The following CTNND2 variants were observed in gnomAD, a reference collection of about 807,000 sequenced individuals.
The protein encoded by CTNND2 is catenin delta 2.
CTNND2 carries 22 observed loss-of-function variants against 144.4 expected under a neutral mutation model. The ratio of observed to expected loss-of-function variants is 0.15; its 90% CI spans 0.11 to 0.22. The LOEUF (loss-of-function observed/expected upper bound fraction) is 0.22, where lower values mean the gene tolerates loss of function less well. Among genes scored for constraint, CTNND2 ranks in the 10% least tolerant of loss-of-function variants. The pLI is 1.00. For missense variants in CTNND2, 1,353 were observed against 1,618.8 expected, an observed-to-expected ratio of 0.84 and a Z score of 2.82; for synonymous variants, 751 against 695.6, an observed-to-expected ratio of 1.08 and a Z score of -1.25.
At chr5:11,450,060 C>G (rs1021129347) in intron 3 of CTNND2, among the ~76,000 whole-genome samples, 2 of 152,200 alleles carry the variant, frequency 1.3e-5, no homozygotes, top group Non-Finnish European at 2.9e-5. Flanking sequence ...TCGGACTTAG[C>G]AAGGGCTGGC....
At chr5:11,895,681 AATAAAATGATAT>A (rs1242234518) in intron 1 of CTNND2, among the ~76,000 whole-genome samples, 2 of 152,230 alleles carry the variant, frequency 1.3e-5, no homozygotes, top group Non-Finnish European at 2.9e-5. Context: ...AATAGGAACC[AATAAAATGATAT>A]ATAAACTGTT....
chr5:11,034,565 A>T (rs1743857671), intron 16 of CTNND2, among the ~76,000 whole-genome samples: 1 of 152,256 alleles, frequency 6.6e-6, no homozygotes, highest in South Asian at 2.1e-4. Flanking sequence ...TTCATGAAAT[A>T]CAAAAACAAT....
chr5:10,989,813 CAGAA>C (rs1738461903), intron 19 of CTNND2, among the ~76,000 whole-genome samples: 1 of 152,190 alleles, frequency 6.6e-6, no homozygotes. Flanking sequence ...GAATGAGAGG[CAGAA>C]GTGCCCAACA....
intron 9 of CTNND2, among the ~76,000 whole-genome samples, chr5:11,328,319 A>G (rs549833611): frequency 9.8e-5 from 14 of 143,238 alleles, no homozygotes; most frequent in Non-Finnish European, 1.8e-4. Flanking sequence ...TCAAGACAGT[A>G]TCTCATTCTG....
At chr5:11,404,610 T>TTTC (rs1760933621) in intron 5 of CTNND2, among the ~76,000 whole-genome samples, 1 of 78,492 alleles carries the variant, frequency 1.3e-5, no homozygotes, top group Non-Finnish European at 2.1e-5. Context: ...TTCTTTTTTT[T>TTTC]TTTTTTTTTT....
At chr5:11,351,686 C>T (rs1408449646) in intron 8 of CTNND2, among the ~76,000 whole-genome samples, 1 of 151,850 alleles carries the variant, frequency 6.6e-6, no homozygotes, top group Non-Finnish European at 1.5e-5. Flanking sequence ...GTTACAGAAA[C>T]TTGGTGGGGG....
chr5:11,556,935 T>G (rs1253687920), intron 3 of CTNND2, among the ~76,000 whole-genome samples: 1 of 152,176 alleles, frequency 6.6e-6, no homozygotes, highest in African/African-American at 2.4e-5. Context: ...TTAGTTGTCC[T>G]TATTCTATAG....
At chr5:11,568,802 T>C (rs965016906) in intron 2 of CTNND2, among the ~76,000 whole-genome samples, 1 of 152,184 alleles carries the variant, frequency 6.6e-6, no homozygotes, top group African/African-American at 2.4e-5. Flanking sequence ...GCTGAGTTTC[T>C]TGGAAAATTT....
intron 1 of CTNND2, among the ~76,000 whole-genome samples, chr5:11,745,279 C>G (rs1395466244): frequency 6.6e-6 from 1 of 152,084 alleles, no homozygotes; most frequent in Non-Finnish European, 1.5e-5. Flanking sequence ...CCAAGGCATT[C>G]TCAGGAGTCT....
At chr5:11,211,504 T>C (rs1401497641) in intron 10 of CTNND2, among the ~76,000 whole-genome samples, 4 of 152,096 alleles carry the variant, frequency 2.6e-5, no homozygotes, top group Admixed American at 1.3e-4. Flanking sequence ...GTTTTACAGG[T>C]AGGGTGGTAA....
chr5:11,505,882 A>G (rs1416636667), intron 3 of CTNND2, among the ~76,000 whole-genome samples: 4 of 151,986 alleles, frequency 2.6e-5, no homozygotes, highest in African/African-American at 7.3e-5. Flanking sequence ...TCATTTTTCT[A>G]TGGTTCCTGT....
intron 1 of CTNND2, among the ~76,000 whole-genome samples, chr5:11,822,991 T>C (rs932180980): frequency 2.0e-5 from 3 of 152,228 alleles, no homozygotes; most frequent in Non-Finnish European, 4.4e-5. Flanking sequence ...ATTTTTGTTA[T>C]GTAACAATAG....
chr5:11,593,952 A>G (rs1277334263), intron 2 of CTNND2, among the ~76,000 whole-genome samples: 1 of 152,226 alleles, frequency 6.6e-6, no homozygotes, highest in Non-Finnish European at 1.5e-5. Context: ...TGTTATTGGA[A>G]CTTTCATAAA....
intron 16 of CTNND2, among the ~76,000 whole-genome samples, chr5:11,049,263 C>T (rs1243139198): frequency 1.3e-5 from 2 of 152,122 alleles, no homozygotes. Flanking sequence ...GAACGTCATG[C>T]CTCATGGGCT....
At position 11,714,855 on chromosome 5, in the gene CTNND2, G is replaced by A. The variant is rs537543111; in HGVS notation, c.174+17281C>T. On this transcript the variant is annotated intron_variant, in intron 2 of 21. Coordinates refer to ENST00000304623, the MANE Select transcript of CTNND2 (RefSeq NM_001332.4). ...ACCCGGGAGGCGAACAGAGCTTGCA[G>A]TGAGCCGAGATCCCACCACTGCACT... 5.9e-5 allele frequency among the ~76,000 whole-genome samples: 9 copies of A among 151,338 alleles called. No homozygotes were observed. The East Asian group carries it at 1.7e-3, about 29-fold the overall frequency.
At chr5:11,815,778 G>A (rs1323297261) in intron 1 of CTNND2, among the ~76,000 whole-genome samples, 1 of 152,176 alleles carries the variant, frequency 6.6e-6, no homozygotes, top group Non-Finnish European at 1.5e-5. Flanking sequence ...GCACAGCTGA[G>A]AGCAGCGACC....
chr5:11,646,627 TAGGAAATATC>T (rs1782369065), intron 2 of CTNND2, among the ~76,000 whole-genome samples: 1 of 118,996 alleles, frequency 8.4e-6, no homozygotes, highest in African/African-American at 4.2e-5. Flanking sequence ...TCCTATTTCT[TAGGAAATATC>T]AAGTAAATTT....
At chr5:11,496,641 C>G (rs890872791) in intron 3 of CTNND2, among the ~76,000 whole-genome samples, 1 of 152,094 alleles carries the variant, frequency 6.6e-6, no homozygotes, top group Non-Finnish European at 1.5e-5. Flanking sequence ...CAAAGAATCC[C>G]TCATTACTGT....
intron 12 of CTNND2, among the ~76,000 whole-genome samples, chr5:11,118,185 T>C (rs1340758315): frequency 6.6e-6 from 1 of 152,230 alleles, no homozygotes; most frequent in African/African-American, 2.4e-5. Context: ...TAATGAAATG[T>C]GTGGCTACGA....
Sources: gnomAD v4.1 joint callset for allele counts (sites outside exome capture counted in the v4.1 genomes callset) on GRCh38, gnomAD v4.1.1 for gene constraint, MANE v1.5 for transcripts, NCBI Gene and HGNC (gene_info 2026-07-23, HGNC 2026-07-21) for gene names.